TNNI2: variants seen among roughly 807,000 people sequenced by gnomAD.
The protein encoded by TNNI2 is troponin I, fast skeletal muscle.
Under a neutral mutation model 26.5 loss-of-function variants are expected in TNNI2, and 14 were observed. The observed-to-expected ratio is 0.53, with a 90% CI of 0.35 to 0.83. The LOEUF (loss-of-function observed/expected upper bound fraction) is 0.83. TNNI2 is among the 40% of genes least tolerant of loss of function. The probability of loss-of-function intolerance (pLI) is 0.01; values close to 1 mark genes in which losing one functional copy is unlikely to be tolerated. For synonymous variants in TNNI2, 126 were observed against 97.6 expected, an observed-to-expected ratio of 1.29 and a Z score of -1.71; for missense variants, 205 against 248.5, an observed-to-expected ratio of 0.82 and a Z score of 1.18.
intron 3 of TNNI2, chr11:1,840,170 T>C (rs962336681): frequency 1.3e-6 from 2 of 1,548,768 alleles, no homozygotes; most frequent in South Asian, 1.2e-5. Flanking sequence ...CCCCAGCCTC[T>C]GGCCTCCCAG....
intron 1 of TNNI2, 122 bp from the exon 2 acceptor site, chr11:1,839,553 G>A (rs1439445345): frequency 2.5e-5 from 23 of 928,684 alleles, no homozygotes; most frequent in Non-Finnish European, 3.5e-5. Flanking sequence ...GGAGGTGAGA[G>A]TAGGGGGTGG....
rs780384391 is a variant in TNNI2, at chr11:1,841,218, CG to C, written c.453+17del. On this transcript the variant is annotated intron_variant, in intron 7 of 7. Coordinates refer to ENST00000381911, the MANE Select transcript of TNNI2 (RefSeq NM_003282.4). ...GAGGACACAGAGAAGGTGCGTGCCA[CG>C]GGGGGAGCACCACCACACCTACCCT... The C allele has an allele frequency of 2.5e-6, 4 of 1,609,518 alleles. No homozygotes were observed. The highest frequency in any genetic ancestry group is 1.7e-5 in the Admixed American group (1 of 59,956).
rs759614465 is a variant in TNNI2 at position 1,840,460 on chromosome 11, C to A, written c.57+16C>A. On this transcript the variant is annotated intron_variant, in intron 4 of 7. Transcript: ENST00000381911. ...GCACCTGAAGGTAGGTGTGGGCTCCCGGGGGGGTGGCCCAGGTGGGTCTGC... is the reference window on the plus strand; with the variant it reads ...GCACCTGAAGGTAGGTGTGGGCTCCAGGGGGGGTGGCCCAGGTGGGTCTGC... 4 of 1,610,336 alleles carry A rather than the reference C, an allele frequency of 2.5e-6. No individual in the cohort carries two copies. The highest frequency in any genetic ancestry group is 2.5e-6 in the Non-Finnish European group (3 of 1,179,442).
intron 5 of TNNI2, 25 bp downstream of exon 5, chr11:1,840,681 C>T (rs759187900): frequency 4.5e-5 from 72 of 1,612,530 alleles, no homozygotes; most frequent in Middle Eastern, 3.3e-4. Flanking sequence ...CCGGCCACCC[C>T]GCCTCCCCAG....
chr11:1,840,626 G>T lies in TNNI2; in HGVS notation c.156G>T (p.Leu52=), dbSNP rs746174558. ...QNYLAEHCPP[L]HIPGSMSEVQ... ...ACCTGGCGGAGCACTGCCCGCCGCTGCATATCCCGGGCTCCATGTCTGAAG... is the reference window on the plus strand; with the variant it reads ...ACCTGGCGGAGCACTGCCCGCCGCTTCATATCCCGGGCTCCATGTCTGAAG... The change falls in exon 5 of 8, where the codon CTG becomes CTT. Residue 52 remains leucine (L), a synonymous_variant. Transcript: ENST00000381911. The T allele has an allele frequency of 1.2e-6, 2 of 1,612,852 alleles. No individual in the cohort carries two copies. The highest frequency in any genetic ancestry group is 4.5e-5 in the East Asian group (2 of 44,874).
Position 1,841,177 on chromosome 11 carries a change from G to C in TNNI2, c.423G>C (p.Leu141=), listed in dbSNP as rs776540696. The C allele has an allele frequency of 1.2e-5, 20 of 1,613,006 alleles. No homozygotes were observed. The highest frequency in any genetic ancestry group is 8.5e-7 in the Non-Finnish European group (1 of 1,179,978). Residue 141 remains leucine, a synonymous_variant, in exon 7 of 8, where the codon CTG becomes CTC. Coordinates refer to ENST00000381911, the MANE Select transcript of TNNI2 (RefSeq NM_003282.4). ...HKVCMDLRAN[L]KQVKKEDTEK... ...TGTGCATGGACCTGAGGGCCAACCT[G>C]AAGCAGGTCAAGAAGGAGGACACAG... is the stretch of plus-strand genomic sequence containing the variant.
At chr11:1,840,354 G>A (rs770502227) in intron 3 of TNNI2, 49 bp from the exon 4 acceptor site, 11 of 1,578,238 alleles carry the variant, frequency 7.0e-6, no homozygotes, top group East Asian at 6.9e-5. Flanking sequence ...GGGTGGGGGT[G>A]CTCCAGGCCT....
In TNNI2 at chr11:1,839,961, C is replaced by G. The variant is rs542956506; in HGVS notation, c.15+106C>G. ...GGCCCTAAGGCCCAGAGAAGATGGC[C>G]TGGCCCTCCCCGCTGGCAAAAGTGC... is the stretch of plus-strand genomic sequence containing the variant. On this transcript the variant is annotated intron_variant, in intron 3 of 7. Transcript: ENST00000381911. The G allele has an allele frequency of 4.6e-6, 7 of 1,528,658 alleles. No homozygotes were observed. The Admixed American group carries it at 1.3e-4, about 28-fold the overall frequency. 94.7% of individuals were successfully genotyped at this position (1,528,658 alleles called of 1,614,324 possible). A position where few individuals can be genotyped will look rare whatever the true frequency, so the allele number is the denominator to read the frequency against.
intron 7 of TNNI2, 119 bp from the exon 8 acceptor site, chr11:1,841,337 C>G (rs1243555575): frequency 3.3e-6 from 5 of 1,524,622 alleles, no homozygotes; most frequent in Non-Finnish European, 4.5e-6. Flanking sequence ...CTCCAGGGTG[C>G]CATGCAGGGG....
intron 1 of TNNI2, chr11:1,839,353 C>G (rs1847112331): frequency 4.7e-6 from 2 of 422,496 alleles, no homozygotes. Flanking sequence ...AGGCCCAAAG[C>G]CAAAGAGAGA....
intron 1 of TNNI2, 71 bp from the exon 2 acceptor site, chr11:1,839,604 A>G: frequency 6.3e-7 from 1 of 1,575,188 alleles, no homozygotes; most frequent in Non-Finnish European, 8.7e-7. Context: ...ACCCCTCACC[A>G]CCTACCTGAT....
rs1304454060 is a variant in TNNI2 at position 1,840,411 on chromosome 11, C to T, written c.24C>T (p.Asn8=). The part of the protein sequence containing the change: MGDEEKR[N]RAITARRQHL... ...TGTCCCCTGCCCTGCAGAAGCGGAACAGGGCCATCACGGCCCGCAGGCAGC... is the reference window on the plus strand; with the variant it reads ...TGTCCCCTGCCCTGCAGAAGCGGAATAGGGCCATCACGGCCCGCAGGCAGC... The change falls in exon 4 of 8, where the codon AAC becomes AAT. Residue 8 remains asparagine (N), a synonymous_variant. Coordinates refer to ENST00000381911, the MANE Select transcript of TNNI2 (RefSeq NM_003282.4). The T allele has an allele frequency of 6.2e-7, 1 of 1,610,394 alleles. No individual in the cohort carries two copies. Among genetic ancestry groups the T allele is most frequent in the Non-Finnish European group, 8.5e-7 (1 of 1,179,384 alleles).
Position 1,840,672 on chromosome 11 carries a change from C to T in TNNI2, c.186+16C>T, listed in dbSNP as rs745319326. The stretch of plus-strand genomic sequence containing the variant: ...TGAAGTGCAGGTACCAGCCCCTCCC[C>T]GGCCACCCCGCCTCCCCAGCAGCAG... On this transcript the variant is annotated intron_variant, in intron 5 of 7. Coordinates refer to ENST00000381911, the MANE Select transcript of TNNI2 (RefSeq NM_003282.4). 12 of 1,612,464 alleles carry T rather than the reference C, an allele frequency of 7.4e-6. No individual in the cohort carries two copies. The highest frequency in any genetic ancestry group is 5.5e-5 in the South Asian group (5 of 91,066).
chr11:1,839,607 T>A, intron 1 of TNNI2, 68 bp from the exon 2 acceptor site: 5 of 1,582,466 alleles, frequency 3.2e-6, no homozygotes, highest in Non-Finnish European at 4.3e-6. Context: ...CCTCACCACC[T>A]ACCTGATGGG....
chr11:1,839,367 T>C, intron 1 of TNNI2: 1 of 450,466 alleles, frequency 2.2e-6, no homozygotes, highest in Non-Finnish European at 4.1e-6. Flanking sequence ...AGAGAGAGGG[T>C]TAAAAATAAC....
chr11:1,841,101 G>A lies in TNNI2; in HGVS notation c.347G>A (p.Arg116His), dbSNP rs140107747. Reference protein sequence around the residue: ...KFKRPPLRRVRMSADAMLKAL... With the variant: ...KFKRPPLRRVHMSADAMLKAL... ...AAGCGGCCCCCACTGCGGAGGGTGCGCATGTCGGCCGATGCCATGCTCAAG... is the reference window on the plus strand; with the variant it reads ...AAGCGGCCCCCACTGCGGAGGGTGCACATGTCGGCCGATGCCATGCTCAAG... Residue 116 changes from arginine (R) to histidine (H), a missense_variant, in exon 7 of 8, where the codon CGC becomes CAC. By Grantham distance (29) the Arg-to-His change is conservative. Coordinates refer to ENST00000381911, the MANE Select transcript of TNNI2 (RefSeq NM_003282.4). The A allele has an allele frequency of 1.4e-5, 22 of 1,613,050 alleles. No individual in the cohort carries two copies. Among genetic ancestry groups the A allele is most frequent in the South Asian group, 4.4e-5 (4 of 91,078 alleles).
rs972130212 is a variant in TNNI2 at position 1,840,190 on chromosome 11, C to T, written c.16-213C>T. 8.4e-6 allele frequency: 13 copies of T among 1,551,016 alleles called. No homozygotes were observed. The African/African-American group carries it at 1.8e-4, about 21-fold the overall frequency. ...GCCTCTGGCCTCCCAGCACCATGTGCCACCTGGCAAAGTGTCACACACCAC... is the reference window on the plus strand; with the variant it reads ...GCCTCTGGCCTCCCAGCACCATGTGTCACCTGGCAAAGTGTCACACACCAC... On this transcript the variant is annotated intron_variant, in intron 3 of 7. Transcript: ENST00000381911.
At chr11:1,839,743 C>T (rs765811451) in intron 2 of TNNI2, 39 bp downstream of exon 2, 27 of 1,613,596 alleles carry the variant, frequency 1.7e-5, no homozygotes, top group Non-Finnish European at 2.2e-5. Context: ...GTGACCCTGC[C>T]CACCTCCTGC....
At position 1,839,867 on chromosome 11, in the gene TNNI2, C is replaced by T; in HGVS notation, c.15+12C>T. ...TGGACAGTGAGGAGGTAAGTAGTTG[C>T]TGGGGGCTCAAAACATGACGAGGAG... On this transcript the variant is annotated intron_variant, in intron 3 of 7. Coordinates refer to ENST00000381911, the MANE Select transcript of TNNI2 (RefSeq NM_003282.4). 1.2e-6 allele frequency: 2 copies of T among 1,613,772 alleles called. No homozygotes were observed. Among genetic ancestry groups the T allele is most frequent in the Non-Finnish European group, 1.7e-6 (2 of 1,179,832 alleles).
Sources: gnomAD v4.1 joint callset for allele counts on GRCh38, gnomAD v4.1.1 for gene constraint, MANE v1.5 for transcripts, NCBI Gene and HGNC (gene_info 2026-07-23, HGNC 2026-07-21) for gene names.